Variants in POU3F3 observed in about 807,000 individuals in gnomAD.
POU3F3 encodes POU domain, class 3, transcription factor 3.
Under a neutral mutation model 8.6 loss-of-function variants are expected in POU3F3, and 1 was observed. The observed-to-expected ratio is 0.12, with a 90% confidence interval of 0.04 to 0.55. The LOEUF is 0.55. Among genes scored for constraint, POU3F3 ranks in the 20% least tolerant of loss-of-function variants. The probability of loss-of-function intolerance (pLI) is 0.91; values close to 1 mark genes in which losing one functional copy is unlikely to be tolerated. For missense variants in POU3F3, 577 were observed against 690.7 expected (o/e 0.84, Z 1.84); for synonymous variants, 418 against 327.4 (o/e 1.28, Z -2.99).
At chr2:104,872,318 T>C in the POU3F3 span, 1 of 456,558 alleles carries the variant, frequency 2.2e-6, no homozygotes, top group South Asian at 1.5e-5. The surrounding 1 kb of genome is among the most constrained non-coding windows in gnomAD (Gnocchi z 4.6). Flanking sequence ...AACCACATTT[T>C]ATCAACATCA....
chr2:104,881,875 C>T, the POU3F3 span, among the ~76,000 whole-genome samples: 2 of 152,174 alleles, frequency 1.3e-5, no homozygotes, highest in South Asian at 2.1e-4. Context: ...CCTCTTCTAC[C>T]GGGATATCTG....
chr2:104,923,510 G>A, the POU3F3 span, among the ~76,000 whole-genome samples: 8 of 151,794 alleles, frequency 5.3e-5, no homozygotes, highest in Non-Finnish European at 1.2e-4. Flanking sequence ...TGGTAGTTGC[G>A]AAAAATATAT....
chr2:104,878,856 T>G, the POU3F3 span, among the ~76,000 whole-genome samples: 2 of 151,922 alleles, frequency 1.3e-5, no homozygotes, highest in Non-Finnish European at 2.9e-5. Context: ...TTTCACACAA[T>G]ACACAGCACA....
chr2:104,879,027 A>G, the POU3F3 span, among the ~76,000 whole-genome samples: 2 of 151,714 alleles, frequency 1.3e-5, no homozygotes, highest in Non-Finnish European at 2.9e-5. Context: ...TATACAGCAC[A>G]CACAACATAT....
chr2:104,917,117 A>G, the POU3F3 span, among the ~76,000 whole-genome samples: 2 of 152,154 alleles, frequency 1.3e-5, no homozygotes, highest in Non-Finnish European at 2.9e-5. Context: ...CAGAACTCAC[A>G]CCACTGGCTC....
chr2:104,886,586 C>T, the POU3F3 span, among the ~76,000 whole-genome samples: 1 of 148,844 alleles, frequency 6.7e-6, no homozygotes, highest in African/African-American at 2.4e-5. Context: ...AGGGCAAGTT[C>T]GTAAAGTGAA....
the POU3F3 span, among the ~76,000 whole-genome samples, chr2:104,909,983 A>G: frequency 6.6e-6 from 1 of 152,276 alleles, no homozygotes; most frequent in South Asian, 2.1e-4. Flanking sequence ...ATTTGGCTTT[A>G]TTGGACATTA....
Position 104,856,476 on chromosome 2 carries a change from G to A in POU3F3, c.966G>A (p.Leu322=). The A allele has an allele frequency of 3.1e-6, 5 of 1,613,520 alleles. No individual in the cohort carries two copies. Among genetic ancestry groups the A allele is most frequent in the Non-Finnish European group, 4.2e-6 (5 of 1,179,966 alleles). The change falls in exon 1 of 1, where the codon CTG becomes CTA. Residue 322 remains leucine, a synonymous_variant. Transcript: ENST00000361360. ...AGGACACGCCGACGTCGGACGACCT[G>A]GAGCAGTTCGCCAAGCAGTTCAAGC... ...SDEDTPTSDD[L]EQFAKQFKQR...
At chr2:104,861,738 CTGT>C (rs918673055), downstream of POU3F3, among the ~76,000 whole-genome samples, 33 of 152,262 alleles carry the variant, frequency 2.2e-4, 1 homozygote, top group Admixed American at 9.2e-4. Flanking sequence ...GCTGCTGCTG[CTGT>C]TGTTGTTGTT....
At chr2:104,915,040 C>T in the POU3F3 span, among the ~76,000 whole-genome samples, 2 of 152,114 alleles carry the variant, frequency 1.3e-5, no homozygotes, top group Non-Finnish European at 2.9e-5. Flanking sequence ...TCTGAGGTAG[C>T]GCAGGGTCAC....
the POU3F3 span, among the ~76,000 whole-genome samples, chr2:104,886,086 C>T: frequency 1.1e-4 from 17 of 152,296 alleles, no homozygotes; most frequent in East Asian, 1.4e-3. Flanking sequence ...CGTGAGCCAC[C>T]GTGCCTGGCC....
At chr2:104,897,090 G>A in the POU3F3 span, among the ~76,000 whole-genome samples, 1 of 152,214 alleles carries the variant, frequency 6.6e-6, no homozygotes, top group Non-Finnish European at 1.5e-5. Context: ...ATACCTGATA[G>A]TCCAGAAGTA....
At chr2:104,889,926 C>T in the POU3F3 span, among the ~76,000 whole-genome samples, 2 of 151,794 alleles carry the variant, frequency 1.3e-5, no homozygotes, top group Non-Finnish European at 2.9e-5. Context: ...TTTTCACTCA[C>T]TGGCTTATCA....
Position 104,854,795 on chromosome 2 carries a change from G to A in POU3F3, c.-716G>A, listed in dbSNP as rs1167085613. 1.3e-5 allele frequency among the ~76,000 whole-genome samples: 2 copies of A among 152,158 alleles called. No individual in the cohort carries two copies. Among genetic ancestry groups the A allele is most frequent in the African/African-American group, 4.8e-5 (2 of 41,442 alleles). On this transcript the variant is annotated 5_prime_UTR_variant, in exon 1 of 1. Transcript: ENST00000361360. This position sits in a 1 kb window ranked among gnomAD's most constrained non-coding sequence, Gnocchi z 4.5. The stretch of plus-strand genomic sequence containing the variant: ...CCAGCAGCACCACGCCTTCAAGGAC[G>A]AAAAAGTTTTACTACTCTAAGGGAA...
the POU3F3 span, among the ~76,000 whole-genome samples, chr2:104,906,965 C>T: frequency 1.3e-5 from 2 of 152,120 alleles, no homozygotes; most frequent in East Asian, 1.9e-4. Context: ...TCTATTTCTG[C>T]GTATCTGTCG....
chr2:104,856,026 C>T lies in POU3F3; in HGVS notation c.516C>T (p.Leu172=), dbSNP rs1676558086. ...TGCACCACCGCGGGCCGCCGCACCT[C>T]GGACCCCCGCCGCCGCCCCCACACC... is the stretch of plus-strand genomic sequence containing the variant. ...TALHHRGPPH[L]GPPPPPPHQG... Residue 172 remains leucine (L), a synonymous_variant, in exon 1 of 1, where the codon CTC becomes CTT. Coordinates refer to ENST00000361360, the MANE Select transcript of POU3F3 (RefSeq NM_006236.3). 1.0e-6 allele frequency: 1 copy of T among 986,620 alleles called. No individual in the cohort carries two copies. Among genetic ancestry groups the T allele is most frequent in the South Asian group, 4.5e-5 (1 of 22,004 alleles). The allele number at this position is 986,620 out of a possible 1,614,324, so 61.1% of individuals were successfully genotyped here. A position where few individuals can be genotyped will look rare whatever the true frequency, so the allele number is the denominator to read the frequency against.
the POU3F3 span, among the ~76,000 whole-genome samples, chr2:104,894,651 G>A: frequency 6.6e-6 from 1 of 152,180 alleles, no homozygotes; most frequent in Non-Finnish European, 1.5e-5. Flanking sequence ...GTGCTTTCAG[G>A]ACAGAATTCA....
At chr2:104,883,240 G>A in the POU3F3 span, among the ~76,000 whole-genome samples, 6 of 152,216 alleles carry the variant, frequency 3.9e-5, no homozygotes, top group Non-Finnish European at 8.8e-5. Context: ...AGCCATCCTG[G>A]TGGGTAACAC....
chr2:104,872,496 C>T, the POU3F3 span: 3 of 384,364 alleles, frequency 7.8e-6, no homozygotes, highest in African/African-American at 2.1e-5. This position sits in a 1 kb window ranked among gnomAD's most constrained non-coding sequence, Gnocchi z 4.6. Context: ...GCCTCCCTCC[C>T]GTTCCCAGCC....
Sources: allele counts gnomAD v4.1 joint callset (sites outside exome capture counted in the v4.1 genomes callset), GRCh38; gene constraint gnomAD v4.1.1; non-coding constraint Gnocchi (gnomAD v3.1); transcripts MANE v1.5; gene names NCBI Gene and HGNC (gene_info 2026-07-23, HGNC 2026-07-21).